The following MIA2 variants were observed in gnomAD, a reference collection of about 807,000 sequenced individuals.
MIA2 encodes the protein melanoma inhibitory activity protein 2.
MIA2 carries 127 observed loss-of-function variants against 167.8 expected under a neutral mutation model. The ratio of observed to expected loss-of-function variants is 0.76; its 90% CI spans 0.66 to 0.88. The LOEUF is 0.88. Ranked by LOEUF, MIA2 falls within the 40% of genes least tolerant of loss-of-function variation. The pLI is 0.00. For synonymous variants in MIA2, 552 were observed against 541.9 expected (o/e 1.02, Z -0.26); for missense variants, 1,690 against 1,624.7 (o/e 1.04, Z -0.69).
rs866421095 is a variant in MIA2, at chr14:39,364,793, A to C, written c.2248+15816A>C. ...ATATTATCTCATTGTCTCCTGGGCTATAAAGTTTCTGCTGAGAAATCTGTG... is the reference window on the plus strand; with the variant it reads ...ATATTATCTCATTGTCTCCTGGGCTCTAAAGTTTCTGCTGAGAAATCTGTG... On this transcript the variant is annotated intron_variant, in intron 23 of 23. Transcript: ENST00000341502. Among the ~76,000 whole-genome samples, 7 of 151,982 alleles carry C rather than the reference A, an allele frequency of 4.6e-5. 1 individual carries two copies. The South Asian group carries it at 1.5e-3, about 31-fold the overall frequency.
chr14:39,234,640 T>C (rs2053649727), intron 1 of MIA2, among the ~76,000 whole-genome samples: 1 of 152,162 alleles, frequency 6.6e-6, no homozygotes. Context: ...TACTTTTTAG[T>C]TTCTGTTTCA....
intron 28 of MIA2, 60 bp from the exon 29 acceptor site, chr14:39,350,038 T>C: frequency 1.6e-6 from 1 of 621,510 alleles, no homozygotes; most frequent in South Asian, 2.4e-5. Context: ...TAATGATTTA[T>C]TAGGGCACAG....
chr14:39,247,677 A>G lies in MIA2; in HGVS notation c.1103A>G (p.Asn368Ser), dbSNP rs1301912098. The G allele has an allele frequency of 1.2e-6, 2 of 1,611,990 alleles. No individual in the cohort carries two copies. Among genetic ancestry groups the G allele is most frequent in the Non-Finnish European group, 1.7e-6 (2 of 1,179,446 alleles). Reference protein sequence around the residue: ...ILTEKKDTITNDSLSLKPSWF... With the variant: ...ILTEKKDTITSDSLSLKPSWF... ...ACAGAAAAAAAAGACACAATCACTA[A>G]TGATAGCTTGAGTCTCAAGCCAAGT... The change falls in exon 4 of 29, where the codon AAT (asparagine) becomes AGT (serine). Residue 368 changes from asparagine (N) to serine (S), a missense_variant. By Grantham distance (46) the Asn-to-Ser change is conservative. Coordinates refer to ENST00000640607, the MANE Select transcript of MIA2 (RefSeq NM_001329214.4).
chr14:39,285,141 T>C (rs2059437953), intron 9 of MIA2, among the ~76,000 whole-genome samples: 2 of 152,298 alleles, frequency 1.3e-5, no homozygotes, highest in African/African-American at 2.4e-5. Flanking sequence ...AAGTCTCCCA[T>C]GTCTACTTCT....
chr14:39,249,887 A>T (rs1259838701), intron 4 of MIA2, among the ~76,000 whole-genome samples: 3 of 152,212 alleles, frequency 2.0e-5, no homozygotes, highest in Non-Finnish European at 4.4e-5. Flanking sequence ...TTGAATTTCC[A>T]GAACTATACG....
intron 9 of MIA2, among the ~76,000 whole-genome samples, chr14:39,283,049 A>G (rs1221429105): frequency 6.6e-6 from 1 of 152,202 alleles, no homozygotes; most frequent in African/African-American, 2.4e-5. Context: ...AGGTCCGTCC[A>G]TGTTGTAGCA....
intron 6 of MIA2, chr14:39,253,610 T>A (rs1184678815): frequency 6.2e-6 from 1 of 161,080 alleles, no homozygotes; most frequent in Non-Finnish European, 1.3e-5. Flanking sequence ...GAGACCAGTC[T>A]GGGCAACATA....
intron 6 of MIA2, chr14:39,266,622 C>G: frequency 1.0e-6 from 1 of 985,564 alleles, no homozygotes; most frequent in Non-Finnish European, 1.2e-6. Flanking sequence ...TGTCTAAAGT[C>G]CAAAGTCCGG....
At chr14:39,245,566 A>G (rs561292460) in intron 3 of MIA2, among the ~76,000 whole-genome samples, 1 of 152,238 alleles carries the variant, frequency 6.6e-6, no homozygotes, top group South Asian at 2.1e-4. Flanking sequence ...CTCTTAGTCA[A>G]TGTTGTGCTG....
chr14:39,276,320 A>G (rs1172128995), intron 6 of MIA2: 1 of 152,298 alleles, frequency 6.6e-6, no homozygotes, highest in Non-Finnish European at 1.5e-5. Flanking sequence ...TGGAGGAGAT[A>G]ATATAAATAA....
chr14:39,362,482 A>C (rs553612051), intron 23 of MIA2, among the ~76,000 whole-genome samples: 34 of 152,102 alleles, frequency 2.2e-4, no homozygotes, highest in Middle Eastern at 3.2e-3. Flanking sequence ...CATGTTGTTC[A>C]TAATAGCCTC....
intron 6 of MIA2, among the ~76,000 whole-genome samples, chr14:39,263,422 C>G (rs578197890): frequency 6.7e-6 from 1 of 149,476 alleles, no homozygotes; most frequent in Admixed American, 6.7e-5. Context: ...TTTGTAGAGA[C>G]GAGAGCTCAC....
At chr14:39,352,935 C>T (rs1452088863), downstream of MIA2, among the ~76,000 whole-genome samples, 1 of 152,120 alleles carries the variant, frequency 6.6e-6, no homozygotes, top group African/African-American at 2.4e-5. Context: ...TTATTAGGGT[C>T]TTCAAGTTGT....
At chr14:39,271,177 G>C (rs1349935771) in intron 6 of MIA2, among the ~76,000 whole-genome samples, 1 of 152,052 alleles carries the variant, frequency 6.6e-6, no homozygotes, top group Non-Finnish European at 1.5e-5. Context: ...CTTGGCATGT[G>C]GATATTTATT....
At chr14:39,279,421 C>T (rs1193562985) in intron 8 of MIA2, 28 bp from the exon 9 acceptor site, 3 of 1,601,132 alleles carry the variant, frequency 1.9e-6, no homozygotes, top group Admixed American at 1.7e-5. Context: ...ATAATTTACT[C>T]ATGGTAATAT....
At chr14:39,347,057 G>A (rs1386609016) in intron 26 of MIA2, 2 of 164,050 alleles carry the variant, frequency 1.2e-5, no homozygotes, top group Non-Finnish European at 2.6e-5. Context: ...TTTCACTTGT[G>A]TCAAGCACAA....
intron 23 of MIA2, among the ~76,000 whole-genome samples, chr14:39,361,641 T>C (rs113747964): frequency 2.0e-5 from 3 of 152,254 alleles, no homozygotes; most frequent in African/African-American, 7.2e-5. Flanking sequence ...GGTTTCACCA[T>C]GTTAGTCAGG....
Position 39,285,738 on chromosome 14 carries a change from G to T in MIA2, c.2131-5281G>T, listed in dbSNP as rs554903714. ...TCACTTCCCAGACGGGGCAGCTGCC[G>T]GGCGGAGGGGCTCCTCACTTCTCAG... On this transcript the variant is annotated intron_variant, in intron 9 of 28. Transcript: ENST00000640607. Among the ~76,000 whole-genome samples, 47 of 130,306 alleles carry T rather than the reference G, an allele frequency of 3.6e-4. No homozygotes were observed. The East Asian group carries it at 0.011, about 29-fold the overall frequency. The allele number at this position is 130,306 out of a possible 152,430, so 85.5% of individuals were successfully genotyped here. A position where few individuals can be genotyped will look rare whatever the true frequency, so the allele number is the denominator to read the frequency against.
intron 25 of MIA2, among the ~76,000 whole-genome samples, chr14:39,338,258 C>G (rs1022293751): frequency 3.3e-5 from 5 of 152,132 alleles, no homozygotes; most frequent in Admixed American, 3.3e-4. Context: ...AGTTTTCTGG[C>G]TGTTACAATA....
Sources: allele counts gnomAD v4.1 joint callset (sites outside exome capture counted in the v4.1 genomes callset), GRCh38; gene constraint gnomAD v4.1.1; transcripts MANE v1.5; gene names NCBI Gene and HGNC (gene_info 2026-07-23, HGNC 2026-07-21).